RBFOX1: variants seen among roughly 807,000 people sequenced by gnomAD.
The protein encoded by RBFOX1 is RNA binding fox-1 homolog 1.
Under a neutral mutation model 57.7 loss-of-function variants are expected in RBFOX1, and 8 were observed. The ratio of observed to expected loss-of-function variants is 0.14; its 90% CI spans 0.08 to 0.25. The LOEUF is 0.25. RBFOX1 is among the 10% of genes least tolerant of loss of function. The pLI is 1.00. For missense variants in RBFOX1, 611 were observed against 548.5 expected (o/e 1.11, Z -1.14); for synonymous variants, 326 against 222.4 (o/e 1.47, Z -4.15).
At chr16:7,017,209 C>G (rs2093960554) in intron 3 of RBFOX1, among the ~76,000 whole-genome samples, 1 of 152,110 alleles carries the variant, frequency 6.6e-6, no homozygotes, top group Non-Finnish European at 1.5e-5. Flanking sequence ...GCGAAGTTTC[C>G]CTTCAGGGAA....
chr16:6,538,008 C>T (rs866985703), intron 2 of RBFOX1, among the ~76,000 whole-genome samples: 1 of 151,388 alleles, frequency 6.6e-6, no homozygotes, highest in African/African-American at 2.4e-5. Flanking sequence ...TATATTTCTA[C>T]TTTCAAACTT....
intron 3 of RBFOX1, among the ~76,000 whole-genome samples, chr16:6,833,702 C>G (rs1196148115): frequency 6.6e-6 from 1 of 152,052 alleles, no homozygotes; most frequent in Non-Finnish European, 1.5e-5. Flanking sequence ...TTTGTTGTGA[C>G]CAGAGAAAGA....
At chr16:6,407,622 C>G (rs964678183) in intron 2 of RBFOX1, among the ~76,000 whole-genome samples, 1 of 148,046 alleles carries the variant, frequency 6.8e-6, no homozygotes, top group Non-Finnish European at 1.5e-5. Flanking sequence ...GAAATGGGAA[C>G]AGAGCCATAA....
intron 4 of RBFOX1, among the ~76,000 whole-genome samples, chr16:7,395,308 C>G (rs1043941722): frequency 5.3e-5 from 8 of 152,162 alleles, no homozygotes; most frequent in African/African-American, 1.9e-4. Flanking sequence ...AGGGAGAATG[C>G]AGAAGTCATC....
intron 4 of RBFOX1, among the ~76,000 whole-genome samples, chr16:5,910,783 G>A (rs1002961853): frequency 6.6e-5 from 10 of 152,080 alleles, no homozygotes; most frequent in African/African-American, 1.9e-4. Context: ...GTTTGTTTTT[G>A]CCCATCTGAG....
chr16:5,573,377 C>T (rs765062379), intron 2 of RBFOX1, among the ~76,000 whole-genome samples: 2 of 152,196 alleles, frequency 1.3e-5, no homozygotes. Context: ...TCTTCCCCTG[C>T]CTATGTCATG....
chr16:6,212,195 G>A (rs1380864889), intron 1 of RBFOX1, among the ~76,000 whole-genome samples: 3 of 151,918 alleles, frequency 2.0e-5, no homozygotes, highest in Admixed American at 2.0e-4. Flanking sequence ...TCTTTATATG[G>A]TATTGACGTT....
At chr16:5,839,714 G>T (rs1050716319) in intron 3 of RBFOX1, among the ~76,000 whole-genome samples, 2 of 132,662 alleles carry the variant, frequency 1.5e-5, no homozygotes, top group Non-Finnish European at 3.4e-5. Flanking sequence ...TAGTCTTAGG[G>T]TTACAAGATG....
At chr16:6,257,860 C>T (rs966039103) in intron 1 of RBFOX1, among the ~76,000 whole-genome samples, 24 of 152,130 alleles carry the variant, frequency 1.6e-4, no homozygotes, top group African/African-American at 5.5e-4. Flanking sequence ...GTCTTTTCTA[C>T]TGTGAATAGT....
At chr16:6,845,480 A>C (rs182509864) in intron 3 of RBFOX1, among the ~76,000 whole-genome samples, 47 of 152,288 alleles carry the variant, frequency 3.1e-4, no homozygotes, top group African/African-American at 1.1e-3. Flanking sequence ...GTCAAAGATC[A>C]GATGGATGGG....
At chr16:7,041,158 A>T (rs1376329616) in intron 3 of RBFOX1, among the ~76,000 whole-genome samples, 1 of 147,536 alleles carries the variant, frequency 6.8e-6, no homozygotes, top group East Asian at 2.0e-4. Flanking sequence ...CTGGTGTCGA[A>T]CATCTGACCT....
intron 4 of RBFOX1, among the ~76,000 whole-genome samples, chr16:5,884,141 G>C (rs772608924): frequency 4.6e-5 from 7 of 152,138 alleles, no homozygotes; most frequent in Non-Finnish European, 1.0e-4. Flanking sequence ...TACAGCATGG[G>C]TCACAGTGCC....
intron 14 of RBFOX1, among the ~76,000 whole-genome samples, chr16:7,691,202 G>C (rs192138832): frequency 8.4e-5 from 11 of 131,142 alleles, no homozygotes; most frequent in South Asian, 7.3e-4. Context: ...CTATTATTGA[G>C]AACTCTGCCT....
intron 3 of RBFOX1, among the ~76,000 whole-genome samples, chr16:7,022,756 C>G (rs1031687298): frequency 1.3e-5 from 2 of 152,026 alleles, no homozygotes; most frequent in Non-Finnish European, 2.9e-5. Flanking sequence ...AAACAGTTTC[C>G]TAATGTTTGG....
chr16:7,243,461 G>A (rs13334361), intron 4 of RBFOX1, among the ~76,000 whole-genome samples: 1 of 152,204 alleles, frequency 6.6e-6, no homozygotes, highest in South Asian at 2.1e-4. Flanking sequence ...GTTTGTAGGT[G>A]AAGAAACTGA....
chr16:7,013,928 G>T (rs1216395117), intron 3 of RBFOX1, among the ~76,000 whole-genome samples: 1 of 152,066 alleles, frequency 6.6e-6, no homozygotes, highest in Non-Finnish European at 1.5e-5. Flanking sequence ...AAAGGGCTGG[G>T]ATTACAGATT....
At chr16:6,788,789 C>T (rs963334969) in intron 3 of RBFOX1, among the ~76,000 whole-genome samples, 2 of 152,026 alleles carry the variant, frequency 1.3e-5, no homozygotes, top group Non-Finnish European at 2.9e-5. Flanking sequence ...ACTGATTTTT[C>T]TGAGGATGCC....
intron 1 of RBFOX1, among the ~76,000 whole-genome samples, chr16:6,185,456 G>A (rs542137818): frequency 6.6e-6 from 1 of 152,286 alleles, no homozygotes; most frequent in African/African-American, 2.4e-5. Flanking sequence ...AGGGGTTAAA[G>A]CCACTTGAGT....
rs188714160 is a variant in RBFOX1 at position 7,080,742 on chromosome 16, C to T, written c.27+28644C>T. On this transcript the variant is annotated intron_variant, in intron 4 of 15. Transcript: ENST00000550418. The stretch of plus-strand genomic sequence containing the variant: ...TCACAGATGACATTGAATAGTTCAA[C>T]CCTCTCCATCTCTCCTCTTGCAAGG... Among the ~76,000 whole-genome samples, 222 of 152,224 alleles carry T rather than the reference C, an allele frequency of 1.5e-3. 1 individual carries two copies. The highest frequency in any genetic ancestry group is 5.0e-3 in the African/African-American group (208 of 41,548).
Sources: gnomAD v4.1 joint callset for allele counts (sites outside exome capture counted in the v4.1 genomes callset) on GRCh38, gnomAD v4.1.1 for gene constraint, MANE v1.5 for transcripts, NCBI Gene and HGNC (gene_info 2026-07-23, HGNC 2026-07-21) for gene names.